TENT5C: variants seen among roughly 807,000 people sequenced by gnomAD.
TENT5C encodes the protein family with sequence similarity 46 member C.
TENT5C carries 5 observed loss-of-function variants against 22.2 expected under a neutral mutation model. The observed-to-expected ratio is 0.22, with a 90% CI of 0.12 to 0.47. The LOEUF is 0.47. Ranked by LOEUF, TENT5C falls within the 20% of genes least tolerant of loss-of-function variation. TENT5C has a pLI of 0.99. For synonymous variants in TENT5C, 199 were observed against 195.4 expected (o/e 1.02, Z -0.15); for missense variants, 364 against 500.9 (o/e 0.73, Z 2.61).
chr1:117,622,518 A>G (rs1334915382), intron 1 of TENT5C, among the ~76,000 whole-genome samples: 4 of 152,184 alleles, frequency 2.6e-5, no homozygotes, highest in African/African-American at 4.8e-5. Flanking sequence ...CTGCGGTCCT[A>G]TATGGTTTGC....
intron 1 of TENT5C, among the ~76,000 whole-genome samples, chr1:117,614,264 T>G (rs1268701535): frequency 1.3e-5 from 2 of 152,194 alleles, no homozygotes; most frequent in Non-Finnish European, 2.9e-5. Flanking sequence ...AGAGGAGGAT[T>G]TTTTTCAGAA....
In TENT5C at chr1:117,625,920, A is replaced by C. The variant is rs1163789049; in HGVS notation, c.*1876A>C. The C allele has an allele frequency of 4.0e-6, 1 of 247,784 alleles. No individual in the cohort carries two copies. Among genetic ancestry groups the C allele is most frequent in the East Asian group, 6.0e-5 (1 of 16,562 alleles). The allele number at this position is 247,784 out of a possible 1,614,324, so 15.3% of individuals were successfully genotyped here. A position where few individuals can be genotyped will look rare whatever the true frequency, so the allele number is the denominator to read the frequency against. ...CCCTGTGAGCCTTAGTTATATTTTAATTCAGTGGCTTTGAGTCAAGGCCGG... is the reference window on the plus strand; with the variant it reads ...CCCTGTGAGCCTTAGTTATATTTTACTTCAGTGGCTTTGAGTCAAGGCCGG... On this transcript the variant is annotated 3_prime_UTR_variant, in exon 2 of 2. Coordinates refer to ENST00000369448, the MANE Select transcript of TENT5C (RefSeq NM_017709.4).
chr1:117,622,784 G>A (rs916580630), intron 1 of TENT5C, 58 bp from the exon 2 acceptor site: 8 of 1,188,230 alleles, frequency 6.7e-6, no homozygotes, highest in Middle Eastern at 3.9e-4. Context: ...TGAGTTCCTC[G>A]AGCTGCTTTG....
In TENT5C at chr1:117,626,390, T is replaced by C. The variant is rs1291052169; in HGVS notation, c.*2346T>C. On this transcript the variant is annotated 3_prime_UTR_variant, in exon 2 of 2. Coordinates refer to ENST00000369448, the MANE Select transcript of TENT5C (RefSeq NM_017709.4). ...CCCAGTCTTTGCCACCATTGCACCA[T>C]GGTTGTCTCGGAGTCCCTTCACCTG... 1 of 248,044 alleles carries C rather than the reference T, an allele frequency of 4.0e-6. No homozygotes were observed. Among genetic ancestry groups the C allele is most frequent in the Non-Finnish European group, 8.5e-6 (1 of 118,058 alleles). 15.4% of individuals were successfully genotyped at this position (248,044 alleles called of 1,614,324 possible). A position where few individuals can be genotyped will look rare whatever the true frequency, so the allele number is the denominator to read the frequency against.
chr1:117,608,051 G>T (rs941274694), intron 1 of TENT5C, among the ~76,000 whole-genome samples: 4 of 150,372 alleles, frequency 2.7e-5, no homozygotes, highest in African/African-American at 9.8e-5. Flanking sequence ...GTAGCTATGC[G>T]GGGGTAGGGG....
In TENT5C at chr1:117,624,279, TG is replaced by T. The variant is rs199886195; in HGVS notation, c.*236del. 0.065 allele frequency: 34,355 copies of T among 530,154 alleles called. 1,233 individuals carry two copies. The highest frequency in any genetic ancestry group is 0.099 in the African/African-American group (5,159 of 52,240). The allele number at this position is 530,154 out of a possible 1,614,324, so 32.8% of individuals were successfully genotyped here. ...ACGTTGGAAAACGCTACAGGAAGCA[TG>T]ACCTATCCACATCTTTCCAAGATAG... On this transcript the variant is annotated 3_prime_UTR_variant, in exon 2 of 2. Transcript: ENST00000369448.
chr1:117,618,771 C>G (rs1653837263), intron 1 of TENT5C, among the ~76,000 whole-genome samples: 3 of 152,208 alleles, frequency 2.0e-5, no homozygotes, highest in Admixed American at 2.0e-4. Context: ...AACTTTGAAT[C>G]TACTTCCCCT....
rs1048751999 is a variant in TENT5C, at chr1:117,624,516, C to G, written c.*472C>G. The G allele has an allele frequency of 4.0e-6, 1 of 250,334 alleles. No homozygotes were observed. The highest frequency in any genetic ancestry group is 2.2e-5 in the African/African-American group (1 of 45,392). The allele number at this position is 250,334 out of a possible 1,614,324, so 15.5% of individuals were successfully genotyped here. A position where few individuals can be genotyped will look rare whatever the true frequency, so the allele number is the denominator to read the frequency against. ...TCTCTTCTCTTGTACCAATTTTAGT[C>G]AGGCAGAAAATGGTAAACATGAGGG... On this transcript the variant is annotated 3_prime_UTR_variant, in exon 2 of 2. Coordinates refer to ENST00000369448, the MANE Select transcript of TENT5C (RefSeq NM_017709.4).
Position 117,624,501 on chromosome 1 carries a change from T to C in TENT5C, c.*457T>C, listed in dbSNP as rs1653970108. 4.0e-6 allele frequency: 1 copy of C among 251,848 alleles called. No homozygotes were observed. Among genetic ancestry groups the C allele is most frequent in the Non-Finnish European group, 8.3e-6 (1 of 120,850 alleles). 15.6% of individuals were successfully genotyped at this position (251,848 alleles called of 1,614,324 possible). A position where few individuals can be genotyped will look rare whatever the true frequency, so the allele number is the denominator to read the frequency against. On this transcript the variant is annotated 3_prime_UTR_variant, in exon 2 of 2. Transcript: ENST00000369448. The stretch of plus-strand genomic sequence containing the variant: ...AAGTTGTGCTGATAATCTCTTCTCT[T>C]GTACCAATTTTAGTCAGGCAGAAAA...
intron 1 of TENT5C, among the ~76,000 whole-genome samples, chr1:117,616,626 T>C (rs1206974053): frequency 6.6e-6 from 1 of 152,224 alleles, no homozygotes; most frequent in Non-Finnish European, 1.5e-5. Context: ...TTGCCCAAGA[T>C]TCCAGCTCTT....
rs550993589 is a variant in TENT5C at position 117,625,769 on chromosome 1, G to A, written c.*1725G>A. On this transcript the variant is annotated 3_prime_UTR_variant, in exon 2 of 2. Coordinates refer to ENST00000369448, the MANE Select transcript of TENT5C (RefSeq NM_017709.4). ...AAAGTATATTTTCAAGTTTATTCTGGAATGTGATGTCTTGGTCCTCTTAAA... is the reference window on the plus strand; with the variant it reads ...AAAGTATATTTTCAAGTTTATTCTGAAATGTGATGTCTTGGTCCTCTTAAA... 1.2e-5 allele frequency: 3 copies of A among 247,938 alleles called. No homozygotes were observed. Among genetic ancestry groups the A allele is most frequent in the Non-Finnish European group, 2.5e-5 (3 of 118,110 alleles). The allele number at this position is 247,938 out of a possible 1,614,324, so 15.4% of individuals were successfully genotyped here.
intron 1 of TENT5C, among the ~76,000 whole-genome samples, chr1:117,616,518 C>T (rs906581663): frequency 6.6e-6 from 1 of 152,208 alleles, no homozygotes; most frequent in African/African-American, 2.4e-5. Flanking sequence ...GGAAGAGCCA[C>T]AGGTGCACGG....
Position 117,624,122 on chromosome 1 carries a change from G to C in TENT5C, c.*78G>C. ...CAGGTAGGGGAGCCTCCTTCTAGAT[G>C]TAGGCATTTGGCTTTTAAAGGGGAA... On this transcript the variant is annotated 3_prime_UTR_variant, in exon 2 of 2. Coordinates refer to ENST00000369448, the MANE Select transcript of TENT5C (RefSeq NM_017709.4). The C allele has an allele frequency of 8.2e-7, 1 of 1,220,300 alleles. No individual in the cohort carries two copies. Among genetic ancestry groups the C allele is most frequent in the East Asian group, 2.5e-5 (1 of 39,548 alleles). The allele number at this position is 1,220,300 out of a possible 1,614,324, so 75.6% of individuals were successfully genotyped here.
chr1:117,619,030 C>T (rs1036040575), intron 1 of TENT5C, among the ~76,000 whole-genome samples: 3 of 152,136 alleles, frequency 2.0e-5, no homozygotes, highest in African/African-American at 4.8e-5. Flanking sequence ...CAACTGCATG[C>T]GTTTCTGTAT....
rs189936407 is a variant in TENT5C, at chr1:117,612,183, G to A, written c.-28+6030G>A. On this transcript the variant is annotated intron_variant, in intron 1 of 1. Coordinates refer to ENST00000369448, the MANE Select transcript of TENT5C (RefSeq NM_017709.4). ...GGATCTTTGTCTCTTTCTTCCCAGT[G>A]CATCACAAGCTCCTGGAGCAGTGCT... is the stretch of plus-strand genomic sequence containing the variant. Among the ~76,000 whole-genome samples the A allele has an allele frequency of 1.4e-4, 22 of 152,282 alleles. No individual in the cohort carries two copies. The East Asian group carries it at 4.2e-3, about 29-fold the overall frequency.
chr1:117,610,541 T>A (rs567397884), intron 1 of TENT5C, among the ~76,000 whole-genome samples: 2 of 152,324 alleles, frequency 1.3e-5, no homozygotes, highest in South Asian at 4.1e-4. Context: ...TGTTGTTTGT[T>A]CTTTTGAGAC....
rs370529918 is a variant in TENT5C, at chr1:117,616,223, T to C, written c.-27-6619T>C. ...AGATTCCTTAGAGTTCCTATGAGGA[T>C]TAGATGGGAATTGAAGTGAAGTGGC... On this transcript the variant is annotated intron_variant, in intron 1 of 1. Transcript: ENST00000369448. Among the ~76,000 whole-genome samples the C allele has an allele frequency of 1.4e-4, 22 of 152,290 alleles. No homozygotes were observed. The South Asian group carries it at 4.6e-3, about 32-fold the overall frequency.
intron 1 of TENT5C, among the ~76,000 whole-genome samples, chr1:117,610,059 C>G (rs755434831): frequency 6.6e-6 from 1 of 152,150 alleles, no homozygotes; most frequent in Non-Finnish European, 1.5e-5. Context: ...ACATGGCTCA[C>G]TCAGCCTTTT....
intron 1 of TENT5C, among the ~76,000 whole-genome samples, chr1:117,610,536 T>C (rs1421416024): frequency 2.0e-5 from 3 of 152,162 alleles, no homozygotes; most frequent in Non-Finnish European, 4.4e-5. Flanking sequence ...TTTGTTGTTG[T>C]TTGTTCTTTT....
Sources: gnomAD v4.1 joint callset for allele counts (sites outside exome capture counted in the v4.1 genomes callset) on GRCh38, gnomAD v4.1.1 for gene constraint, MANE v1.5 for transcripts, NCBI Gene and HGNC (gene_info 2026-07-23, HGNC 2026-07-21) for gene names.